EYS: variants seen among roughly 807,000 people sequenced by gnomAD.
EYS encodes protein eyes shut homolog.
In EYS, 250 loss-of-function variants were observed where a neutral mutation model predicts 282.1. The observed-to-expected ratio is 0.89, with a 90% confidence interval of 0.80 to 0.98. EYS has a LOEUF of 0.98. Ranked by LOEUF, EYS falls within the 50% of genes least tolerant of loss-of-function variation. EYS has a pLI of 0.00. For missense variants in EYS, 4,016 were observed against 3,709.0 expected (o/e 1.08, Z -2.15); for synonymous variants, 1,355 against 1,282.9 (o/e 1.06, Z -1.20).
At chr6:64,576,851 C>G (rs1765897396) in intron 26 of EYS, among the ~76,000 whole-genome samples, 1 of 151,942 alleles carries the variant, frequency 6.6e-6, no homozygotes, top group South Asian at 2.1e-4. Context: ...TTATATTCCC[C>G]CAGTGACATG....
At chr6:64,410,617 A>G (rs1411835631) in intron 28 of EYS, among the ~76,000 whole-genome samples, 3 of 152,160 alleles carry the variant, frequency 2.0e-5, no homozygotes, top group Non-Finnish European at 4.4e-5. Flanking sequence ...AAGAAGCCCA[A>G]TTCATTGTTG....
chr6:65,522,113 A>T (rs1767396302), intron 2 of EYS, among the ~76,000 whole-genome samples: 1 of 152,134 alleles, frequency 6.6e-6, no homozygotes, highest in Admixed American at 6.6e-5. Flanking sequence ...AATATTTAGT[A>T]TTTCTAAAAA....
chr6:64,754,561 G>GATTAATATA (rs1772871544), intron 22 of EYS, among the ~76,000 whole-genome samples: 1 of 151,982 alleles, frequency 6.6e-6, no homozygotes, highest in African/African-American at 2.4e-5. Flanking sequence ...CAATATCACT[G>GATTAATATA]ATTAATATAG....
chr6:63,956,576 A>T (rs1765833059), intron 35 of EYS, among the ~76,000 whole-genome samples: 1 of 152,212 alleles, frequency 6.6e-6, no homozygotes, highest in South Asian at 2.1e-4. Context: ...TATTTAAAGC[A>T]TTATTTTCTA....
At chr6:64,924,340 G>A (rs149445826) in intron 15 of EYS, among the ~76,000 whole-genome samples, 1 of 152,290 alleles carries the variant, frequency 6.6e-6, no homozygotes, top group East Asian at 1.9e-4. Context: ...ACAGTATGGT[G>A]ACCCTGGGCC....
intron 12 of EYS, among the ~76,000 whole-genome samples, chr6:65,154,508 G>A (rs904808659): frequency 4.0e-5 from 6 of 151,508 alleles, no homozygotes; most frequent in Admixed American, 6.6e-5. Context: ...TGACAGATCC[G>A]ATATAAAGTA....
chr6:63,848,671 A>C (rs756096477), intron 36 of EYS, among the ~76,000 whole-genome samples: 1 of 152,056 alleles, frequency 6.6e-6, no homozygotes, highest in Non-Finnish European at 1.5e-5. Flanking sequence ...TGCTTTTCCC[A>C]TGGTCTTCAC....
chr6:64,580,332 A>C (rs1036323513), intron 26 of EYS, among the ~76,000 whole-genome samples: 3 of 152,174 alleles, frequency 2.0e-5, no homozygotes, highest in African/African-American at 7.2e-5. Context: ...TATGCACAAT[A>C]TTCTATAGGA....
intron 35 of EYS, among the ~76,000 whole-genome samples, chr6:63,897,619 C>T (rs1773566538): frequency 6.6e-6 from 1 of 152,156 alleles, no homozygotes; most frequent in Non-Finnish European, 1.5e-5. Context: ...ATTTTGGATT[C>T]CTGGTGTCAG....
At chr6:65,344,773 G>T (rs539673053) in intron 9 of EYS, among the ~76,000 whole-genome samples, 2 of 151,676 alleles carry the variant, frequency 1.3e-5, no homozygotes, top group African/African-American at 4.8e-5. Context: ...GTAAATCTCA[G>T]AATTGTAGGG....
intron 39 of EYS, among the ~76,000 whole-genome samples, chr6:63,784,941 A>G (rs67875483): frequency 0.51 from 78,165 of 152,006 alleles, 22,104 homozygotes; most frequent in African/African-American, 0.75. Flanking sequence ...TAAGCCTGTC[A>G]TTCTAACTTC....
At chr6:64,287,232 T>C (rs1768534256) in intron 30 of EYS, among the ~76,000 whole-genome samples, 3 of 152,126 alleles carry the variant, frequency 2.0e-5, no homozygotes, top group African/African-American at 7.2e-5. Context: ...AGACAGTATG[T>C]AATTGTTTTC....
At chr6:64,568,911 A>G (rs1450884720) in intron 26 of EYS, among the ~76,000 whole-genome samples, 1 of 152,050 alleles carries the variant, frequency 6.6e-6, no homozygotes, top group Non-Finnish European at 1.5e-5. Flanking sequence ...AAGGAAAACT[A>G]ACAAACAGAA....
At position 64,167,152 on chromosome 6, in the gene EYS, G is replaced by A. The variant is rs1764314638; in HGVS notation, c.6424+63440C>T. ...TTCTGTACTTTCTATTAATGGTTAT[G>A]CAAGTTTTGTGGCAAATCATGCTCC... On this transcript the variant is annotated intron_variant, in intron 31 of 42. Coordinates refer to ENST00000503581, the MANE Select transcript of EYS (RefSeq NM_001142800.2). 2.0e-5 allele frequency among the ~76,000 whole-genome samples: 3 copies of A among 152,274 alleles called. No homozygotes were observed. In the South Asian group the frequency reaches 6.2e-4, roughly 32 times the overall value.
intron 31 of EYS, among the ~76,000 whole-genome samples, chr6:64,123,533 C>T (rs1424159656): frequency 5.3e-5 from 8 of 152,168 alleles, no homozygotes; most frequent in Admixed American, 2.0e-4. Context: ...GAGACACAGC[C>T]TTGATCTGCA....
chr6:63,949,690 C>G (rs1203696105), intron 35 of EYS, among the ~76,000 whole-genome samples: 1 of 152,130 alleles, frequency 6.6e-6, no homozygotes, highest in African/African-American at 2.4e-5. Flanking sequence ...TCTCATTCTT[C>G]TGGGAATTAT....
intron 5 of EYS, among the ~76,000 whole-genome samples, chr6:65,425,216 TA>T (rs1213821211): frequency 6.6e-6 from 1 of 152,114 alleles, no homozygotes; most frequent in Non-Finnish European, 1.5e-5. Context: ...AAGGGTACAT[TA>T]AAATACTTGA....
intron 15 of EYS, among the ~76,000 whole-genome samples, chr6:64,931,743 G>C (rs970107545): frequency 6.6e-6 from 1 of 152,040 alleles, no homozygotes; most frequent in African/African-American, 2.4e-5. Context: ...ATAACCCTGA[G>C]ACATTACTAT....
intron 18 of EYS, among the ~76,000 whole-genome samples, chr6:64,891,935 T>C (rs1198689855): frequency 6.6e-6 from 1 of 152,096 alleles, no homozygotes; most frequent in East Asian, 1.9e-4. Context: ...AACTTAAATA[T>C]ATTGTCAAAG....
Sources: allele counts gnomAD v4.1 joint callset (sites outside exome capture counted in the v4.1 genomes callset), GRCh38; gene constraint gnomAD v4.1.1; transcripts MANE v1.5; gene names NCBI Gene and HGNC (gene_info 2026-07-23, HGNC 2026-07-21).